PAPSS1: variants seen among roughly 807,000 people sequenced by gnomAD.
The protein encoded by PAPSS1 is bifunctional 3'-phosphoadenosine 5'-phosphosulfate synthase 1.
Under a neutral mutation model 72.0 loss-of-function variants are expected in PAPSS1, and 50 were observed. That is an observed-to-expected ratio of 0.69 (90% CI 0.55 to 0.88). PAPSS1 has a LOEUF of 0.88. PAPSS1 is among the 40% of genes least tolerant of loss of function. PAPSS1 has a pLI of 0.00. For synonymous variants in PAPSS1, 261 were observed against 263.6 expected (o/e 0.99, Z 0.09); for missense variants, 657 against 782.2 (o/e 0.84, Z 1.91).
intron 10 of PAPSS1, among the ~76,000 whole-genome samples, chr4:107,643,323 C>T (rs953302629): frequency 6.6e-6 from 1 of 152,172 alleles, no homozygotes; most frequent in African/African-American, 2.4e-5. Context: ...GCAGCAGCAC[C>T]CAAAGGTATG....
rs968104897 is a variant in PAPSS1, at chr4:107,715,367, T to C, written c.60+4753A>G. ...CATCTTCCCAGGGTAGAAAGATCAA[T>C]TCTCTGTTAAACCTGGGGATGGGGG... On this transcript the variant is annotated intron_variant, in intron 1 of 11. Coordinates refer to ENST00000265174, the MANE Select transcript of PAPSS1 (RefSeq NM_005443.5). Among the ~76,000 whole-genome samples the C allele has an allele frequency of 2.0e-5, 3 of 152,192 alleles. No homozygotes were observed. The South Asian group carries it at 6.2e-4, about 31-fold the overall frequency.
intron 4 of PAPSS1, among the ~76,000 whole-genome samples, 189 bp from the exon 5 acceptor site, chr4:107,682,322 T>C (rs1032418796): frequency 2.0e-5 from 3 of 152,106 alleles, no homozygotes; most frequent in Non-Finnish European, 4.4e-5. Context: ...CTGGGGGCCA[T>C]TTTAAACTGT....
chr4:107,687,179 T>TA lies in PAPSS1; in HGVS notation c.412-3_412-2insT. ...AATTTGCCTTGCATTGTTGCGATCC[T>TA]TAAAAAAAAATAAAATAAAAAGTGA... On this transcript the variant is annotated splice_polypyrimidine_tract_variant and splice_region_variant and intron_variant, in intron 3 of 11. Coordinates refer to ENST00000265174, the MANE Select transcript of PAPSS1 (RefSeq NM_005443.5). 1 of 1,546,762 alleles carries TA rather than the reference T, an allele frequency of 6.5e-7. No homozygotes were observed. The highest frequency in any genetic ancestry group is 1.3e-5 in the South Asian group (1 of 78,666).
At chr4:107,699,622 A>C (rs1723160019) in intron 2 of PAPSS1, among the ~76,000 whole-genome samples, 1 of 152,180 alleles carries the variant, frequency 6.6e-6, no homozygotes, top group African/African-American at 2.4e-5. Flanking sequence ...AGAAAGACAA[A>C]AGCCTCTATT....
At chr4:107,644,395 TAAAC>T (rs1726638012) in intron 10 of PAPSS1, among the ~76,000 whole-genome samples, 1 of 152,124 alleles carries the variant, frequency 6.6e-6, no homozygotes, top group African/African-American at 2.4e-5. Context: ...GAGAAGAATT[TAAAC>T]AAACAGGCTT....
In PAPSS1 at chr4:107,709,911, T is replaced by C. The variant is rs1233753898; in HGVS notation, c.61-8626A>G. Among the ~76,000 whole-genome samples, 4 of 152,232 alleles carry C rather than the reference T, an allele frequency of 2.6e-5. No individual in the cohort carries two copies. In the South Asian group the frequency reaches 6.2e-4, roughly 24 times the overall value. ...CTGCATGAATTAAACTCTTTCTCTA[T>C]TGCAATTACCCTGTCTTGATAAATT... On this transcript the variant is annotated intron_variant, in intron 1 of 11. Coordinates refer to ENST00000265174, the MANE Select transcript of PAPSS1 (RefSeq NM_005443.5).
At chr4:107,719,672 G>A (rs1055804090) in intron 1 of PAPSS1, among the ~76,000 whole-genome samples, 1 of 152,226 alleles carries the variant, frequency 6.6e-6, no homozygotes, top group Admixed American at 6.5e-5. Flanking sequence ...CACTGGCAGA[G>A]CCAAGAAAAA....
intron 10 of PAPSS1, among the ~76,000 whole-genome samples, chr4:107,636,925 A>C (rs1036296108): frequency 1.3e-5 from 2 of 152,222 alleles, no homozygotes; most frequent in Non-Finnish European, 2.9e-5. Flanking sequence ...TAATCTCCAT[A>C]GTGTGAGTCA....
At chr4:107,696,783 T>C (rs1184037473) in intron 2 of PAPSS1, among the ~76,000 whole-genome samples, 5 of 152,024 alleles carry the variant, frequency 3.3e-5, no homozygotes, top group Non-Finnish European at 7.4e-5. Context: ...AGAGCATCGA[T>C]ACAGTGTCAG....
rs571691393 is a variant in PAPSS1 at position 107,704,077 on chromosome 4, A to T, written c.61-2792T>A. On this transcript the variant is annotated intron_variant, in intron 1 of 11. Transcript: ENST00000265174. ...GTCTCTTACTTCCTTGGTTAAATGT[A>T]TTCCCAAGTATTTTATTTTTCTGGT... 5.3e-5 allele frequency among the ~76,000 whole-genome samples: 8 copies of T among 152,244 alleles called. No homozygotes were observed. The South Asian group carries it at 1.7e-3, about 32-fold the overall frequency.
chr4:107,712,610 C>T (rs1723523110), intron 1 of PAPSS1, among the ~76,000 whole-genome samples: 1 of 152,180 alleles, frequency 6.6e-6, no homozygotes, highest in Admixed American at 6.5e-5. Flanking sequence ...CGTGGTGGCT[C>T]ATGCTTGTAA....
At chr4:107,638,533 G>A in intron 10 of PAPSS1, among the ~76,000 whole-genome samples, 1 of 152,120 alleles carries the variant, frequency 6.6e-6, no homozygotes, top group South Asian at 2.1e-4. Context: ...AGTCAGGTGA[G>A]AACAGTATCA....
At chr4:107,632,470 C>A in intron 10 of PAPSS1, among the ~76,000 whole-genome samples, 1 of 150,906 alleles carries the variant, frequency 6.6e-6, no homozygotes. Flanking sequence ...AATCGTATAA[C>A]TAATATATAA....
Position 107,666,766 on chromosome 4 carries a change from A to T in PAPSS1, c.670-6694T>A, listed in dbSNP as rs548195357. On this transcript the variant is annotated intron_variant, in intron 5 of 11. Transcript: ENST00000265174. ...CAGATAAAAGCAAACTCTACTTACC[A>T]CTATTTTTCCATGAAGACAGTGCTT... 4.7e-4 allele frequency among the ~76,000 whole-genome samples: 71 copies of T among 152,310 alleles called. 1 individual carries two copies. Among genetic ancestry groups the T allele is most frequent in the South Asian group, 2.5e-3 (12 of 4,822 alleles).
chr4:107,672,274 C>T (rs1053647675), intron 5 of PAPSS1, among the ~76,000 whole-genome samples: 2 of 152,166 alleles, frequency 1.3e-5, no homozygotes, highest in Admixed American at 1.3e-4. Flanking sequence ...GAGGCATCGC[C>T]TCACCCAGGA....
chr4:107,659,637 T>C (rs185549817), intron 6 of PAPSS1, among the ~76,000 whole-genome samples: 1 of 152,330 alleles, frequency 6.6e-6, no homozygotes, highest in East Asian at 1.9e-4. Flanking sequence ...GTTTACTTAA[T>C]TACTATGGAT....
intron 7 of PAPSS1, among the ~76,000 whole-genome samples, chr4:107,656,219 G>A (rs1358030188): frequency 3.3e-5 from 5 of 151,956 alleles, no homozygotes; most frequent in Non-Finnish European, 5.9e-5. Flanking sequence ...AGGTTCAAGC[G>A]ATTCTCCTGC....
intron 1 of PAPSS1, among the ~76,000 whole-genome samples, chr4:107,714,025 G>T (rs1723572787): frequency 6.6e-6 from 1 of 152,060 alleles, no homozygotes; most frequent in African/African-American, 2.4e-5. Context: ...AAACTAGGCA[G>T]GCTCCTTCTG....
At chr4:107,699,691 C>T (rs1046191135) in intron 2 of PAPSS1, among the ~76,000 whole-genome samples, 5 of 152,174 alleles carry the variant, frequency 3.3e-5, no homozygotes, top group South Asian at 2.1e-4. Context: ...AAAAAAGGAA[C>T]GCTCCTAAAA....
Sources: gnomAD v4.1 joint callset for allele counts (sites outside exome capture counted in the v4.1 genomes callset) on GRCh38, gnomAD v4.1.1 for gene constraint, MANE v1.5 for transcripts, NCBI Gene and HGNC (gene_info 2026-07-23, HGNC 2026-07-21) for gene names.